SHISA6: variants seen among roughly 807,000 people sequenced by gnomAD.
The protein encoded by SHISA6 is shisa family member 6, also known as protein shisa-6.
A neutral mutation model predicts 47.9 loss-of-function variants in SHISA6; 22 were observed. That is an observed-to-expected ratio of 0.46 (90% CI 0.33 to 0.66). The LOEUF is 0.66. SHISA6 is among the 30% of genes least tolerant of loss of function. SHISA6 has a pLI of 0.02. For missense variants in SHISA6, 680 were observed against 764.6 expected, an observed-to-expected ratio of 0.89 and a Z score of 1.30; for synonymous variants, 388 against 337.8, an observed-to-expected ratio of 1.15 and a Z score of -1.63.
Position 11,518,992 on chromosome 17 carries a change from C to T in SHISA6, c.896-32904C>T, listed in dbSNP as rs375754368. 6.6e-5 allele frequency among the ~76,000 whole-genome samples: 10 copies of T among 152,292 alleles called. No individual in the cohort carries two copies. The South Asian group carries it at 2.1e-3, about 32-fold the overall frequency. On this transcript the variant is annotated intron_variant, in intron 3 of 5. Coordinates refer to ENST00000441885, the MANE Select transcript of SHISA6 (RefSeq NM_207386.4). ...GAAGTATCTCTGTCTGGAGCCATAG[C>T]CTCTCCCTTCTCCTCTACAGAGGAA...
chr17:11,434,992 T>C (rs372777709), intron 3 of SHISA6, among the ~76,000 whole-genome samples: 2 of 152,266 alleles, frequency 1.3e-5, no homozygotes, highest in African/African-American at 2.4e-5. Flanking sequence ...CCAAAAGTGA[T>C]AGTATTAAGA....
At chr17:11,323,591 T>G (rs947317566) in intron 2 of SHISA6, among the ~76,000 whole-genome samples, 2 of 151,822 alleles carry the variant, frequency 1.3e-5, no homozygotes, top group East Asian at 3.9e-4. Context: ...GAGGCAGAGG[T>G]TGCAGTGAGC....
chr17:11,286,259 C>T lies in SHISA6; in HGVS notation c.799+22733C>T, dbSNP rs114110460. ...GACTAGAGCATATCTGTGTGTCCTT[C>T]CCTACTGAAGATTCAGGAACAGATT... On this transcript the variant is annotated intron_variant, in intron 2 of 5. Transcript: ENST00000441885. 7.7e-3 allele frequency among the ~76,000 whole-genome samples: 1,180 copies of T among 152,268 alleles called. 21 individuals are homozygous for T. The highest frequency in any genetic ancestry group is 0.026 in the African/African-American group (1,084 of 41,528).
At chr17:11,526,233 T>C (rs949204346) in intron 3 of SHISA6, among the ~76,000 whole-genome samples, 2 of 152,134 alleles carry the variant, frequency 1.3e-5, no homozygotes, top group African/African-American at 2.4e-5. Flanking sequence ...AGCTAAACTG[T>C]TGGTAAATAC....
At chr17:11,299,884 G>A (rs1047050484) in intron 2 of SHISA6, among the ~76,000 whole-genome samples, 5 of 152,076 alleles carry the variant, frequency 3.3e-5, no homozygotes, top group African/African-American at 1.2e-4. Flanking sequence ...GGTGGCTCAC[G>A]TCTGTAATCT....
At position 11,307,319 on chromosome 17, in the gene SHISA6, A is replaced by G. The variant is rs755840644; in HGVS notation, c.799+43793A>G. Among the ~76,000 whole-genome samples the G allele has an allele frequency of 5.3e-5, 8 of 152,262 alleles. No individual in the cohort carries two copies. In the South Asian group the frequency reaches 8.3e-4, roughly 16 times the overall value. ...CAACTATCTGAGTTTCAGGTTGACAATGAGCTCTGCTCCATGCATTAGCTT... is the reference window on the plus strand; with the variant it reads ...CAACTATCTGAGTTTCAGGTTGACAGTGAGCTCTGCTCCATGCATTAGCTT... On this transcript the variant is annotated intron_variant, in intron 2 of 5. Coordinates refer to ENST00000441885, the MANE Select transcript of SHISA6 (RefSeq NM_207386.4).
At chr17:11,477,326 T>C (rs1916075881) in intron 3 of SHISA6, among the ~76,000 whole-genome samples, 2 of 151,734 alleles carry the variant, frequency 1.3e-5, no homozygotes, top group Admixed American at 6.6e-5. Flanking sequence ...TTGTTCTTTA[T>C]GTTTTTGTTT....
chr17:11,277,280 T>TCTCTCTCTCCCACACA (rs1386997909), intron 2 of SHISA6, among the ~76,000 whole-genome samples: 1 of 53,864 alleles, frequency 1.9e-5, no homozygotes, highest in Non-Finnish European at 3.4e-5. Context: ...TCTCTCTCTC[T>TCTCTCTCTCCCACACA]CACACACACA....
intron 3 of SHISA6, among the ~76,000 whole-genome samples, chr17:11,503,141 A>G (rs187190987): frequency 1.8e-3 from 267 of 152,332 alleles, no homozygotes; most frequent in African/African-American, 6.1e-3. Context: ...CTCATATAAC[A>G]GATGAAGAAA....
intron 2 of SHISA6, among the ~76,000 whole-genome samples, chr17:11,287,224 G>A (rs1345858361): frequency 2.0e-5 from 3 of 149,642 alleles, no homozygotes; most frequent in African/African-American, 7.4e-5. Context: ...AAGAAAGAAA[G>A]AAAGAAAGAA....
intron 3 of SHISA6, among the ~76,000 whole-genome samples, chr17:11,460,023 C>T (rs141588428): frequency 9.6e-4 from 146 of 152,224 alleles, no homozygotes; most frequent in African/African-American, 3.3e-3. Flanking sequence ...GATTGGCCAA[C>T]GTTAAGCAAC....
At chr17:11,249,317 C>CGT (rs1907714916) in intron 1 of SHISA6, among the ~76,000 whole-genome samples, 1 of 151,172 alleles carries the variant, frequency 6.6e-6, no homozygotes, top group South Asian at 2.1e-4. Context: ...TGTGTGTGGA[C>CGT]GTGTGTGTGC....
At chr17:11,305,212 T>C (rs911234973) in intron 2 of SHISA6, among the ~76,000 whole-genome samples, 1 of 152,190 alleles carries the variant, frequency 6.6e-6, no homozygotes, top group Non-Finnish European at 1.5e-5. Flanking sequence ...GTATACTGTT[T>C]ACACTGAATA....
intron 1 of SHISA6, among the ~76,000 whole-genome samples, chr17:11,248,699 C>T (rs994939339): frequency 4.6e-5 from 7 of 152,138 alleles, no homozygotes; most frequent in Non-Finnish European, 2.9e-5. Flanking sequence ...ACGTTCCTTT[C>T]TTAAGGGCAA....
rs1913636456 is a variant in SHISA6 at position 11,398,136 on chromosome 17, ATTG to A, written c.895+18632_895+18634del. 2.0e-5 allele frequency among the ~76,000 whole-genome samples: 3 copies of A among 152,130 alleles called. No individual in the cohort carries two copies. The South Asian group carries it at 6.2e-4, about 32-fold the overall frequency. On this transcript the variant is annotated intron_variant, in intron 3 of 5. Coordinates refer to ENST00000441885, the MANE Select transcript of SHISA6 (RefSeq NM_207386.4). ...TAGTTTTGCGTAATTTTGGGAGAAA[ATTG>A]TTGTCAGTATAGGAGTTTGGATTTG...
intron 2 of SHISA6, among the ~76,000 whole-genome samples, chr17:11,312,643 T>C (rs1263303599): frequency 4.6e-5 from 7 of 152,170 alleles, no homozygotes; most frequent in African/African-American, 1.7e-4. Context: ...AATATAAGCA[T>C]ATATGGTTTT....
chr17:11,281,531 T>C lies in SHISA6; in HGVS notation c.799+18005T>C, dbSNP rs930561526. Among the ~76,000 whole-genome samples the C allele has an allele frequency of 2.6e-5, 4 of 152,292 alleles. No homozygotes were observed. The East Asian group carries it at 7.7e-4, about 29-fold the overall frequency. ...TGGTCATAATATCTTACCATTTTTA[T>C]ATATTATTATATTTTATTTGCTAAA... On this transcript the variant is annotated intron_variant, in intron 2 of 5. Transcript: ENST00000441885.
chr17:11,555,370 G>A (rs992982796), intron 4 of SHISA6, among the ~76,000 whole-genome samples: 7 of 152,150 alleles, frequency 4.6e-5, no homozygotes, highest in Non-Finnish European at 8.8e-5. Context: ...AAAGCTATTA[G>A]GAAAAGGACA....
chr17:11,510,491 A>G (rs1003545359), intron 3 of SHISA6, among the ~76,000 whole-genome samples: 2 of 152,170 alleles, frequency 1.3e-5, no homozygotes, highest in Non-Finnish European at 2.9e-5. Flanking sequence ...GTCCCACATT[A>G]AAGAAAATAT....
Sources: gnomAD v4.1 joint callset for allele counts (sites outside exome capture counted in the v4.1 genomes callset) on GRCh38, gnomAD v4.1.1 for gene constraint, MANE v1.5 for transcripts, NCBI Gene and HGNC (gene_info 2026-07-23, HGNC 2026-07-21) for gene names.